The following SYNJ2 variants were observed in gnomAD, a reference collection of about 807,000 sequenced individuals.
SYNJ2 encodes the protein synaptojanin 2.
A neutral mutation model predicts 141.3 loss-of-function variants in SYNJ2; 116 were observed. That is an observed-to-expected ratio of 0.82 (90% confidence interval 0.71 to 0.96). SYNJ2 has a LOEUF of 0.96. SYNJ2 is among the 40% of genes least tolerant of loss of function. SYNJ2 has a pLI of 0.00. For missense variants in SYNJ2, 1,873 were observed against 1,934.8 expected (o/e 0.97, Z 0.60); for synonymous variants, 745 against 777.7 (o/e 0.96, Z 0.70).
intron 2 of SYNJ2, among the ~76,000 whole-genome samples, chr6:158,020,824 T>G (rs1180417964): frequency 6.6e-6 from 1 of 152,280 alleles, no homozygotes; most frequent in Admixed American, 6.5e-5. Context: ...CACAGGCTCT[T>G]AATTTGGGAC....
At position 158,069,639 on chromosome 6, in the gene SYNJ2, A is replaced by C. The variant is rs779588953; in HGVS notation, c.1906A>C (p.Ile636Leu). ...SAQLVGVCLY[I>L]FVRPYHVPFI... The stretch of plus-strand genomic sequence containing the variant: ...ACAGCTGGTGGGCGTCTGTCTTTAT[A>C]TCTTTGTACGTCCATACCATGTCCC... The change falls in exon 14 of 27, where the codon ATC becomes CTC. Residue 636 changes from isoleucine (I) to leucine (L), a missense_variant. Transcript: ENST00000355585. The C allele has an allele frequency of 1.9e-6, 3 of 1,613,890 alleles. No homozygotes were observed. In the African/African-American group the frequency reaches 4.0e-5, roughly 22 times the overall value.
intron 3 of SYNJ2, among the ~76,000 whole-genome samples, chr6:158,031,620 G>C (rs1039611117): frequency 2.0e-5 from 3 of 151,776 alleles, no homozygotes; most frequent in South Asian, 2.1e-4. Flanking sequence ...GTGGCGCAGC[G>C]TGAGGTCTGG....
In SYNJ2 at chr6:158,027,413, T is replaced by A. The variant is rs1327027999; in HGVS notation, c.215-1343T>A. 5.7e-6 allele frequency: 1 copy of A among 174,992 alleles called. No homozygotes were observed. Among genetic ancestry groups the A allele is most frequent in the Non-Finnish European group, 1.1e-5 (1 of 89,966 alleles). 10.8% of individuals were successfully genotyped at this position (174,992 alleles called of 1,614,324 possible). A position where few individuals can be genotyped will look rare whatever the true frequency, so the allele number is the denominator to read the frequency against. On this transcript the variant is annotated intron_variant, in intron 2 of 26. Transcript: ENST00000355585. The surrounding 1 kb of genome is among the most constrained non-coding windows in gnomAD (Gnocchi z 4.6). The stretch of plus-strand genomic sequence containing the variant: ...GATCTCTTGGGCCCCGTCCCGAGAG[T>A]GAGGCACGGCGCCACCAGGCACCCC...
intron 5 of SYNJ2, among the ~76,000 whole-genome samples, chr6:158,048,793 T>A (rs1242497916): frequency 6.6e-6 from 1 of 152,144 alleles, no homozygotes; most frequent in Non-Finnish European, 1.5e-5. Context: ...TCGTGGCCAC[T>A]TTCAACCTAC....
chr6:158,095,495 C>A, intron 26 of SYNJ2, 123 bp from the exon 27 acceptor site: 1 of 1,300,228 alleles, frequency 7.7e-7, no homozygotes, highest in Non-Finnish European at 1.0e-6. Context: ...ATTCTCAAAT[C>A]TCGAATTTGC....
chr6:158,083,477 A>G lies in SYNJ2; in HGVS notation c.2914A>G (p.Lys972Glu), dbSNP rs772450786. 6.2e-7 allele frequency: 1 copy of G among 1,614,198 alleles called. No homozygotes were observed. The highest frequency in any genetic ancestry group is 2.2e-5 in the East Asian group (1 of 44,878). Residue 972 changes from lysine to glutamate, a missense_variant, in exon 21 of 27, where the codon AAA becomes GAA. By Grantham distance (56) the Lys-to-Glu change is moderately conservative (BLOSUM62 1). Coordinates refer to ENST00000355585, the MANE Select transcript of SYNJ2 (RefSeq NM_003898.4). Reference protein sequence around the residue: ...KIRPKTKDWLKGLREEIIRKR... With the variant: ...KIRPKTKDWLEGLREEIIRKR... ...TAGACCGAAGACCAAGGACTGGCTG[A>G]AAGGTTTGCGAGAGGAGATCATTCG...
At chr6:158,078,053 G>A (rs925916120) in intron 17 of SYNJ2, 111 bp from the exon 18 acceptor site, 1 of 655,982 alleles carries the variant, frequency 1.5e-6, no homozygotes, top group Admixed American at 2.3e-5. Flanking sequence ...GATGAGTCTG[G>A]GACGTGGGGT....
rs1213377168 is a variant in SYNJ2 at position 158,043,934 on chromosome 6, CT to C, written c.795+538del. Among the ~76,000 whole-genome samples, 1 of 152,204 alleles carries C rather than the reference CT, an allele frequency of 6.6e-6. No individual in the cohort carries two copies. The highest frequency in any genetic ancestry group is 2.4e-5 in the African/African-American group (1 of 41,448). ...GTCAGTGCCAGAGAGATTTGGCATT[CT>C]TTCTCCTGGGAAGAGCACAGGGTGG... On this transcript the variant is annotated intron_variant, in intron 5 of 26. Transcript: ENST00000355585. The surrounding 1 kb of genome is among the most constrained non-coding windows in gnomAD (Gnocchi z 4.0).
chr6:158,053,608 G>A (rs538620598), intron 5 of SYNJ2, among the ~76,000 whole-genome samples: 23 of 148,124 alleles, frequency 1.6e-4, no homozygotes, highest in South Asian at 4.3e-4. Flanking sequence ...TCCACTCATC[G>A]TCCACCTATC....
At chr6:158,095,520 G>A in intron 26 of SYNJ2, 98 bp from the exon 27 acceptor site, 1 of 1,417,200 alleles carries the variant, frequency 7.1e-7, no homozygotes, top group South Asian at 1.5e-5. Context: ...ATGTCAGCTT[G>A]GTCTCATCTC....
chr6:158,059,147 G>C, intron 6 of SYNJ2, 110 bp from the exon 7 acceptor site: 1 of 1,169,346 alleles, frequency 8.6e-7, no homozygotes, highest in Non-Finnish European at 1.1e-6. Flanking sequence ...CCTGGACTGT[G>C]GCACTAAGAA....
intron 6 of SYNJ2, among the ~76,000 whole-genome samples, chr6:158,057,785 G>A (rs1244649004): frequency 1.3e-5 from 2 of 152,200 alleles, no homozygotes; most frequent in Non-Finnish European, 2.9e-5. Flanking sequence ...CCTCACCAGG[G>A]GCAGAGCCTG....
chr6:158,081,348 T>C (rs779825108), intron 19 of SYNJ2, 21 bp downstream of exon 19: 5 of 1,612,994 alleles, frequency 3.1e-6, no homozygotes, highest in South Asian at 1.1e-5. Flanking sequence ...CCCTGGCTGA[T>C]GTGGGTTCCA....
chr6:157,984,945 C>G (rs574361282), intron 1 of SYNJ2, among the ~76,000 whole-genome samples: 2 of 151,698 alleles, frequency 1.3e-5, no homozygotes, highest in African/African-American at 2.4e-5. Context: ...TGGTCTTTCC[C>G]GGCCCCTGAG....
At chr6:158,091,071 A>T (rs1583519314) in intron 25 of SYNJ2, among the ~76,000 whole-genome samples, 1 of 150,878 alleles carries the variant, frequency 6.6e-6, no homozygotes, top group Admixed American at 6.6e-5. Context: ...TAATCCCAGC[A>T]CTTTGGGAGG....
At chr6:158,090,217 T>C (rs1392172489) in intron 25 of SYNJ2, among the ~76,000 whole-genome samples, 1 of 151,960 alleles carries the variant, frequency 6.6e-6, no homozygotes, top group African/African-American at 2.4e-5. Flanking sequence ...CCAAAATGAG[T>C]TTTTAAAAAA....
At position 158,070,445 on chromosome 6, in the gene SYNJ2, T is replaced by C. The variant is rs1486941710; in HGVS notation, c.1940+772T>C. ...CTCTGACTTTCAGAAGATGTTTAGG[T>C]CCCTGTCCCTCTGCTTGTGTTATTT... On this transcript the variant is annotated intron_variant, in intron 14 of 26. Transcript: ENST00000355585. The surrounding 1 kb of genome is among the most constrained non-coding windows in gnomAD (Gnocchi z 4.0). 24 of 985,304 alleles carry C rather than the reference T, an allele frequency of 2.4e-5. No homozygotes were observed. Among genetic ancestry groups the C allele is most frequent in the Non-Finnish European group, 2.9e-5 (24 of 829,998 alleles). The allele number at this position is 985,304 out of a possible 1,614,324, so 61.0% of individuals were successfully genotyped here. A position where few individuals can be genotyped will look rare whatever the true frequency, so the allele number is the denominator to read the frequency against.
intron 1 of SYNJ2, among the ~76,000 whole-genome samples, chr6:158,005,910 T>G (rs1175943861): frequency 6.6e-6 from 1 of 152,176 alleles, no homozygotes; most frequent in African/African-American, 2.4e-5. Flanking sequence ...CTCCCCGCAG[T>G]GCACTGTCTA....
chr6:158,010,760 G>A (rs1010588639), intron 1 of SYNJ2, among the ~76,000 whole-genome samples: 14 of 152,214 alleles, frequency 9.2e-5, no homozygotes, highest in African/African-American at 3.4e-4. Flanking sequence ...CTAAGAAGAT[G>A]TACATGTGAC....
Sources: gnomAD v4.1 joint callset for allele counts (sites outside exome capture counted in the v4.1 genomes callset) on GRCh38, gnomAD v4.1.1 for gene constraint, Gnocchi (gnomAD v3.1) non-coding constraint, MANE v1.5 for transcripts, NCBI Gene and HGNC (gene_info 2026-07-23, HGNC 2026-07-21) for gene names.